The following AP2B1 variants were observed in gnomAD, a reference collection of about 807,000 sequenced individuals.
AP2B1 encodes AP-2 complex subunit beta.
Under a neutral mutation model 102.0 loss-of-function variants are expected in AP2B1, and 23 were observed. That is an observed-to-expected ratio of 0.23 (90% CI 0.16 to 0.32). The LOEUF is 0.32. Among genes scored for constraint, AP2B1 ranks in the 10% least tolerant of loss-of-function variants. The probability of loss-of-function intolerance (pLI) is 1.00; values close to 1 mark genes in which losing one functional copy is unlikely to be tolerated. For missense variants in AP2B1, 541 were observed against 1,157.4 expected (o/e 0.47, Z 7.73); for synonymous variants, 381 against 421.2 (o/e 0.90, Z 1.17).
At chr17:35,722,344 G>C (rs1264517343) in intron 21 of AP2B1, among the ~76,000 whole-genome samples, 1 of 152,084 alleles carries the variant, frequency 6.6e-6, no homozygotes, top group African/African-American at 2.4e-5. Flanking sequence ...ATAAGGAATA[G>C]CTATATTCTT....
chr17:35,656,654 G>A (rs555829427), intron 13 of AP2B1, among the ~76,000 whole-genome samples: 5 of 152,144 alleles, frequency 3.3e-5, no homozygotes, highest in Admixed American at 3.3e-4. Context: ...CCAGCACTTT[G>A]GGAGGCTAAG....
chr17:35,642,120 GC>G lies in AP2B1; in HGVS notation c.1536+147del, dbSNP rs2074798878. On this transcript the variant is annotated intron_variant, in intron 12 of 21. Transcript: ENST00000610402. ...GATCCTGTTAAAATATTAAAACAAT[GC>G]CTTTTTACGTGTTCAACTGAATTGT... is the stretch of plus-strand genomic sequence containing the variant. The G allele has an allele frequency of 7.3e-6, 4 of 546,512 alleles. No homozygotes were observed. In the East Asian group the frequency reaches 1.1e-4, roughly 15 times the overall value. The allele number at this position is 546,512 out of a possible 1,614,324, so 33.9% of individuals were successfully genotyped here. A position where few individuals can be genotyped will look rare whatever the true frequency, so the allele number is the denominator to read the frequency against.
chr17:35,710,957 C>G (rs2076434707), intron 20 of AP2B1, among the ~76,000 whole-genome samples: 1 of 152,154 alleles, frequency 6.6e-6, no homozygotes, highest in African/African-American at 2.4e-5. Flanking sequence ...CCTGTGCCAC[C>G]TTTCATATGA....
intron 17 of AP2B1, among the ~76,000 whole-genome samples, chr17:35,676,152 G>A (rs553712797): frequency 2.0e-5 from 3 of 152,208 alleles, no homozygotes; most frequent in Admixed American, 2.0e-4. Context: ...ATTGGAGGCA[G>A]ATTATAGATT....
chr17:35,691,655 G>A (rs1017237940), intron 18 of AP2B1, among the ~76,000 whole-genome samples: 4 of 152,184 alleles, frequency 2.6e-5, no homozygotes, highest in African/African-American at 9.7e-5. Context: ...AAACTATATA[G>A]CGATTCCCAC....
chr17:35,619,118 A>T (rs1292959630), intron 5 of AP2B1, among the ~76,000 whole-genome samples: 2 of 152,210 alleles, frequency 1.3e-5, no homozygotes, highest in African/African-American at 4.8e-5. Flanking sequence ...TTGAGTTCAG[A>T]TTCAAGCAGG....
chr17:35,710,168 G>T, intron 19 of AP2B1, 66 bp from the exon 20 acceptor site: 1 of 1,135,978 alleles, frequency 8.8e-7, no homozygotes. Context: ...AATGATGCAA[G>T]GCATCGAAAA....
chr17:35,629,039 C>T (rs1459501606), intron 9 of AP2B1, among the ~76,000 whole-genome samples: 2 of 151,976 alleles, frequency 1.3e-5, no homozygotes, highest in Non-Finnish European at 2.9e-5. Context: ...ACCTCTGCCT[C>T]CCGGGCTCAA....
chr17:35,713,194 C>G (rs1435627497), intron 20 of AP2B1, among the ~76,000 whole-genome samples: 1 of 152,218 alleles, frequency 6.6e-6, no homozygotes, highest in Non-Finnish European at 1.5e-5. Flanking sequence ...CAGTTTTGAT[C>G]AATTCTGTCA....
chr17:35,600,043 T>C (rs2073425005), intron 3 of AP2B1, among the ~76,000 whole-genome samples: 1 of 152,202 alleles, frequency 6.6e-6, no homozygotes, highest in Non-Finnish European at 1.5e-5. Flanking sequence ...GTGTGTGGAC[T>C]CAGAAAGAGG....
At chr17:35,704,385 G>A (rs1024160862) in intron 18 of AP2B1, among the ~76,000 whole-genome samples, 1 of 152,138 alleles carries the variant, frequency 6.6e-6, no homozygotes, top group South Asian at 2.1e-4. Context: ...TGTTGCTGAT[G>A]GGATTCTGTT....
intron 7 of AP2B1, 26 bp from the exon 8 acceptor site, chr17:35,627,359 C>A (rs758416310): frequency 6.4e-7 from 1 of 1,566,360 alleles, no homozygotes; most frequent in East Asian, 2.4e-5. Context: ...CTTCACCTTC[C>A]TTTCTTCTGT....
chr17:35,708,852 A>G (rs1555586054), intron 18 of AP2B1, among the ~76,000 whole-genome samples: 1 of 152,192 alleles, frequency 6.6e-6, no homozygotes, highest in Non-Finnish European at 1.5e-5. Context: ...AATGATATCT[A>G]CTTTGTTTGA....
chr17:35,709,077 A>G (rs1238133208), intron 18 of AP2B1, 147 bp from the exon 19 acceptor site: 1 of 673,870 alleles, frequency 1.5e-6, no homozygotes, highest in African/African-American at 1.8e-5. Flanking sequence ...TTTGCAGTAT[A>G]TGGGCCAGTT....
At chr17:35,588,098 A>G (rs1217652242) in intron 1 of AP2B1, among the ~76,000 whole-genome samples, 2 of 149,884 alleles carry the variant, frequency 1.3e-5, no homozygotes, top group South Asian at 2.1e-4. Context: ...TGGGCTCTGC[A>G]GTAATGGTCT....
chr17:35,602,735 A>G (rs2073531437), intron 3 of AP2B1, among the ~76,000 whole-genome samples: 1 of 152,232 alleles, frequency 6.6e-6, no homozygotes, highest in African/African-American at 2.4e-5. Context: ...TGTGTTTAGT[A>G]GTCACATGTG....
Position 35,639,657 on chromosome 17 carries a change from G to A in AP2B1, c.1334G>A (p.Arg445Gln). 3 of 1,613,952 alleles carry A rather than the reference G, an allele frequency of 1.9e-6. No individual in the cohort carries two copies. Among genetic ancestry groups the A allele is most frequent in the Non-Finnish European group, 2.5e-6 (3 of 1,179,926 alleles). Residue 445 changes from arginine to glutamine, a missense_variant, in exon 11 of 22, where the codon CGA becomes CAA. Physicochemically the swap from Arg to Gln is conservative, Grantham distance 43. Transcript: ENST00000610402. ...NLDSLDEPDA[R>Q]AAMIWIVGEY... is the part of the protein sequence containing the mutation. ...GACTCGCTGGATGAGCCAGATGCTC[G>A]AGCAGCTATGATTTGGATTGTGGGA...
intron 20 of AP2B1, among the ~76,000 whole-genome samples, chr17:35,715,655 C>G (rs1272550714): frequency 1.3e-5 from 2 of 152,208 alleles, no homozygotes; most frequent in African/African-American, 4.8e-5. Flanking sequence ...TTGTGGGAAG[C>G]AGGGTGGCAA....
At chr17:35,613,131 G>A (rs557242453) in intron 5 of AP2B1, among the ~76,000 whole-genome samples, 2 of 151,210 alleles carry the variant, frequency 1.3e-5, no homozygotes, top group Non-Finnish European at 2.9e-5. Context: ...CCACATGGTG[G>A]CAGCACTGCA....
Sources: allele counts gnomAD v4.1 joint callset (sites outside exome capture counted in the v4.1 genomes callset), GRCh38; gene constraint gnomAD v4.1.1; transcripts MANE v1.5; gene names NCBI Gene and HGNC (gene_info 2026-07-23, HGNC 2026-07-21).